VWA3B: variants seen among roughly 807,000 people sequenced by gnomAD.
VWA3B encodes von Willebrand factor A domain-containing protein 3B.
Under a neutral mutation model 158.3 loss-of-function variants are expected in VWA3B, and 138 were observed. That is an observed-to-expected ratio of 0.87 (90% CI 0.76 to 1.00). The LOEUF is 1.00. Among genes scored for constraint, VWA3B ranks in the 50% least tolerant of loss-of-function variants. VWA3B has a pLI of 0.00. For missense variants in VWA3B, 1,555 were observed against 1,565.1 expected (o/e 0.99, Z 0.11); for synonymous variants, 596 against 587.3 (o/e 1.01, Z -0.21).
intron 2 of VWA3B, among the ~76,000 whole-genome samples, chr2:98,097,526 T>C (rs1305169199): frequency 6.6e-6 from 1 of 152,216 alleles, no homozygotes; most frequent in Non-Finnish European, 1.5e-5. Context: ...GCTCTATATC[T>C]TTGCAGTTGT....
intron 21 of VWA3B, among the ~76,000 whole-genome samples, chr2:98,257,507 G>A (rs1284965584): frequency 6.6e-6 from 1 of 151,482 alleles, no homozygotes; most frequent in Non-Finnish European, 1.5e-5. Context: ...CATGTGGTAG[G>A]TTCTCATTGC....
At chr2:98,256,795 T>C (rs943975952) in intron 21 of VWA3B, among the ~76,000 whole-genome samples, 7 of 152,178 alleles carry the variant, frequency 4.6e-5, no homozygotes, top group Non-Finnish European at 8.8e-5. Flanking sequence ...ATGCCATTTT[T>C]AGAACATATC....
At chr2:98,206,972 A>G (rs17427034) in intron 12 of VWA3B, 25,232 of 483,338 alleles carry the variant, frequency 0.052, 905 homozygotes, top group Non-Finnish European at 0.074. Flanking sequence ...AATGAACCAC[A>G]TGCTACTCAT....
intron 6 of VWA3B, among the ~76,000 whole-genome samples, chr2:98,130,792 A>G (rs923335312): frequency 8.5e-5 from 13 of 152,220 alleles, no homozygotes; most frequent in African/African-American, 3.1e-4. Context: ...ACTTCTTTCT[A>G]CACAGACACA....
At chr2:98,300,717 C>T (rs971602423) in intron 25 of VWA3B, among the ~76,000 whole-genome samples, 10 of 152,078 alleles carry the variant, frequency 6.6e-5, no homozygotes, top group Admixed American at 4.6e-4. Context: ...GTGCCAGCCC[C>T]GCTCCTGCCC....
chr2:98,247,513 C>T (rs1686479970), intron 19 of VWA3B, among the ~76,000 whole-genome samples: 1 of 152,068 alleles, frequency 6.6e-6, no homozygotes, highest in South Asian at 2.1e-4. Flanking sequence ...AGCTGTATAT[C>T]TCTTTATATC....
intron 3 of VWA3B, among the ~76,000 whole-genome samples, chr2:98,116,520 C>T (rs1009994340): frequency 1.3e-5 from 2 of 151,854 alleles, no homozygotes; most frequent in Non-Finnish European, 2.9e-5. Context: ...TTCTCTTTTT[C>T]TTTTGAGACA....
At chr2:98,230,651 T>A (rs1185521844) in intron 16 of VWA3B, among the ~76,000 whole-genome samples, 2 of 152,146 alleles carry the variant, frequency 1.3e-5, no homozygotes, top group Non-Finnish European at 2.9e-5. Flanking sequence ...GCTGCCCTTT[T>A]ATAACCACAC....
chr2:98,252,266 C>A (rs563476170), intron 20 of VWA3B, among the ~76,000 whole-genome samples: 1 of 152,260 alleles, frequency 6.6e-6, no homozygotes, highest in East Asian at 1.9e-4. Context: ...CTCCTGCATA[C>A]CCTATTCCTA....
intron 21 of VWA3B, chr2:98,269,410 G>A (rs1165528141): frequency 2.0e-5 from 3 of 152,172 alleles, no homozygotes; most frequent in African/African-American, 7.2e-5. Context: ...GCTGTAACAA[G>A]CTGTGACACT....
At chr2:98,088,295 T>C (rs563904548) in intron 1 of VWA3B, among the ~76,000 whole-genome samples, 23 of 152,342 alleles carry the variant, frequency 1.5e-4, no homozygotes, top group African/African-American at 5.5e-4. Context: ...GCTTATTGAA[T>C]GTCTAAACTG....
chr2:98,327,852 A>G, the VWA3B span, among the ~76,000 whole-genome samples: 1 of 152,194 alleles, frequency 6.6e-6, no homozygotes, highest in Non-Finnish European at 1.5e-5. Flanking sequence ...AGCCATTTAT[A>G]TTCTGTGTGC....
chr2:98,326,168 C>A, the VWA3B span, among the ~76,000 whole-genome samples: 2 of 151,988 alleles, frequency 1.3e-5, no homozygotes, highest in African/African-American at 4.8e-5. Flanking sequence ...CATAGATAAA[C>A]CTCTAATTAG....
intron 22 of VWA3B, among the ~76,000 whole-genome samples, chr2:98,277,696 G>A (rs942204712): frequency 6.6e-6 from 1 of 152,302 alleles, no homozygotes; most frequent in African/African-American, 2.4e-5. Flanking sequence ...GAGAAAGAGA[G>A]CGTTAGGAAA....
intron 14 of VWA3B, among the ~76,000 whole-genome samples, chr2:98,219,129 G>A (rs1014030540): frequency 3.0e-4 from 46 of 152,046 alleles, no homozygotes; most frequent in Non-Finnish European, 6.0e-4. Flanking sequence ...GCACACAACC[G>A]AATATTACTA....
At chr2:98,316,840 C>T (rs897750835), downstream of VWA3B, among the ~76,000 whole-genome samples, 12 of 152,144 alleles carry the variant, frequency 7.9e-5, no homozygotes, top group African/African-American at 2.9e-4. Context: ...TCCTTCTGCT[C>T]TGGCCTTGTA....
intron 7 of VWA3B, among the ~76,000 whole-genome samples, chr2:98,134,503 A>T (rs1373626435): frequency 6.6e-6 from 1 of 152,188 alleles, no homozygotes; most frequent in Non-Finnish European, 1.5e-5. Context: ...TGTGATTCAG[A>T]AAAACAGTGG....
chr2:98,229,372 C>G (rs2105691848), intron 15 of VWA3B, among the ~76,000 whole-genome samples: 1 of 152,330 alleles, frequency 6.6e-6, no homozygotes, highest in East Asian at 1.9e-4. Flanking sequence ...GCAGGTGCTC[C>G]ACGGAGGCGT....
At position 98,224,998 on chromosome 2, in the gene VWA3B, A is replaced by T. The variant is rs139268832; in HGVS notation, c.2020-3204A>T. ...ACCCAGGCTGGAGCGCAGTGGTGCA[A>T]TCTTGGCTCACTGCAATCTCCACCT... On this transcript the variant is annotated intron_variant, in intron 14 of 27. Coordinates refer to ENST00000477737, the MANE Select transcript of VWA3B (RefSeq NM_144992.5). Among the ~76,000 whole-genome samples, 1,042 of 152,320 alleles carry T rather than the reference A, an allele frequency of 6.8e-3. 10 individuals are homozygous for T. The highest frequency in any genetic ancestry group is 0.024 in the African/African-American group (992 of 41,576).
Sources: gnomAD v4.1 joint callset for allele counts (sites outside exome capture counted in the v4.1 genomes callset) on GRCh38, gnomAD v4.1.1 for gene constraint, MANE v1.5 for transcripts, NCBI Gene and HGNC (gene_info 2026-07-23, HGNC 2026-07-21) for gene names.